The following MIS18A variants were observed in gnomAD, a reference collection of about 807,000 sequenced individuals.
MIS18A encodes the protein MIS18 kinetochore protein A.
In MIS18A, 14 loss-of-function variants were observed where a neutral mutation model predicts 25.0. The observed-to-expected ratio is 0.56, with a 90% CI of 0.37 to 0.88. The LOEUF (loss-of-function observed/expected upper bound fraction) is 0.88, where lower values mean the gene tolerates loss of function less well. MIS18A is among the 40% of genes least tolerant of loss of function. The pLI, the probability that MIS18A is intolerant of heterozygous loss-of-function variation, is 0.00. For synonymous variants in MIS18A, 134 were observed against 118.6 expected (o/e 1.13, Z -0.84); for missense variants, 292 against 290.8 (o/e 1.00, Z -0.03).
the MIS18A span, chr21:32,259,716 C>T: frequency 3.9e-5 from 6 of 152,240 alleles, no homozygotes; most frequent in African/African-American, 7.2e-5. Context: ...CCAGACAGCG[C>T]GCACTGAGGC....
the MIS18A span, among the ~76,000 whole-genome samples, chr21:32,178,464 T>C: frequency 6.6e-6 from 1 of 152,222 alleles, no homozygotes. Context: ...TCCTGAATTA[T>C]ATTTTTTAAA....
intron 1 of MIS18A, among the ~76,000 whole-genome samples, chr21:32,275,851 A>C (rs1262599313): frequency 6.6e-6 from 1 of 151,930 alleles, no homozygotes; most frequent in African/African-American, 2.4e-5. Flanking sequence ...TCCAGCCCCC[A>C]AACCACCAGC....
intron 2 of MIS18A, among the ~76,000 whole-genome samples, chr21:32,273,437 C>A (rs910420781): frequency 6.6e-6 from 1 of 152,008 alleles, no homozygotes; most frequent in African/African-American, 2.4e-5. Flanking sequence ...AGAAGCCCCC[C>A]AGCCACAGTC....
At chr21:32,189,949 A>G in the MIS18A span, among the ~76,000 whole-genome samples, 13 of 152,320 alleles carry the variant, frequency 8.5e-5, no homozygotes, top group African/African-American at 3.1e-4. Flanking sequence ...GTTACCCAAC[A>G]AATACTCACA....
chr21:32,155,812 C>G, the MIS18A span, among the ~76,000 whole-genome samples: 25 of 152,188 alleles, frequency 1.6e-4, no homozygotes, highest in Admixed American at 4.6e-4. Flanking sequence ...TTATGCTTGC[C>G]TGATGATTTG....
the MIS18A span, among the ~76,000 whole-genome samples, chr21:32,208,647 C>T: frequency 8.5e-5 from 13 of 152,134 alleles, no homozygotes; most frequent in East Asian, 1.9e-4. Context: ...GTGCATTTTT[C>T]GGGAAAGAGT....
the MIS18A span, among the ~76,000 whole-genome samples, chr21:32,173,874 C>T: frequency 2.7e-5 from 4 of 150,694 alleles, no homozygotes; most frequent in Non-Finnish European, 4.4e-5. Context: ...TGTGGATATA[C>T]TAAAACCACT....
At chr21:32,269,248 T>G (rs1490171277) in intron 4 of MIS18A, 131 bp from the exon 5 acceptor site, 4 of 668,138 alleles carry the variant, frequency 6.0e-6, no homozygotes, top group Non-Finnish European at 9.6e-6. Flanking sequence ...AGATATTCAG[T>G]GTTTAACAAA....
At chr21:32,276,295 C>T (rs1396486720) in intron 1 of MIS18A, among the ~76,000 whole-genome samples, 2 of 151,628 alleles carry the variant, frequency 1.3e-5, no homozygotes, top group African/African-American at 4.8e-5. Context: ...CCCGTCTCTA[C>T]TAAAGATACA....
the MIS18A span, among the ~76,000 whole-genome samples, chr21:32,174,072 C>A: frequency 7.2e-6 from 1 of 138,922 alleles, no homozygotes; most frequent in Non-Finnish European, 1.5e-5. Flanking sequence ...TCAAGCGATT[C>A]TCCTACTTCA....
chr21:32,184,243 C>T, the MIS18A span, among the ~76,000 whole-genome samples: 1 of 152,166 alleles, frequency 6.6e-6, no homozygotes, highest in Admixed American at 6.5e-5. Context: ...CTTGTTTGGC[C>T]GCCTACTCAC....
intron 3 of MIS18A, among the ~76,000 whole-genome samples, chr21:32,270,004 T>C (rs2031683017): frequency 6.6e-6 from 1 of 151,552 alleles, no homozygotes; most frequent in Non-Finnish European, 1.5e-5. Flanking sequence ...AGCCCAGGAG[T>C]TCAAGGATGC....
At chr21:32,253,613 G>A in the MIS18A span, among the ~76,000 whole-genome samples, 1 of 152,168 alleles carries the variant, frequency 6.6e-6, no homozygotes, top group Non-Finnish European at 1.5e-5. Flanking sequence ...AGGGGAGCGG[G>A]AGAGTGAGCG....
At chr21:32,229,669 A>C in the MIS18A span, among the ~76,000 whole-genome samples, 1 of 152,232 alleles carries the variant, frequency 6.6e-6, no homozygotes, top group Admixed American at 6.5e-5. Flanking sequence ...GTGTTTATTC[A>C]CATCACAGAA....
downstream of MIS18A, among the ~76,000 whole-genome samples, chr21:32,263,635 A>C (rs1426648609): frequency 6.6e-6 from 1 of 152,110 alleles, no homozygotes; most frequent in Non-Finnish European, 1.5e-5. Context: ...GACATGGCTA[A>C]CTTTAAAAAA....
downstream of MIS18A, among the ~76,000 whole-genome samples, chr21:32,263,447 A>C (rs2031541298): frequency 6.6e-6 from 1 of 152,118 alleles, no homozygotes; most frequent in Non-Finnish European, 1.5e-5. Flanking sequence ...ATAAAAATAC[A>C]AGAATTAGCC....
At chr21:32,227,913 AAT>A in the MIS18A span, among the ~76,000 whole-genome samples, 1 of 152,236 alleles carries the variant, frequency 6.6e-6, no homozygotes, top group African/African-American at 2.4e-5. Flanking sequence ...CAAGCAATGC[AAT>A]ATGTCATATT....
the MIS18A span, among the ~76,000 whole-genome samples, chr21:32,179,959 G>A: frequency 6.6e-6 from 1 of 152,202 alleles, no homozygotes; most frequent in Non-Finnish European, 1.5e-5. Context: ...CTTTCTGACA[G>A]CTCTTTCTTC....
the MIS18A span, among the ~76,000 whole-genome samples, chr21:32,221,084 C>T: frequency 1.8e-4 from 27 of 152,208 alleles, no homozygotes; most frequent in African/African-American, 6.3e-4. Flanking sequence ...AGAACTTCCC[C>T]GACCTAGCAA....
Sources: gnomAD v4.1 joint callset for allele counts (sites outside exome capture counted in the v4.1 genomes callset) on GRCh38, gnomAD v4.1.1 for gene constraint, MANE v1.5 for transcripts, NCBI Gene and HGNC (gene_info 2026-07-23, HGNC 2026-07-21) for gene names.